Variants in ACSF3 observed in about 807,000 individuals in gnomAD.
ACSF3 encodes the protein acyl-CoA synthetase family member 3, also known as malonate--CoA ligase ACSF3, mitochondrial.
A neutral mutation model predicts 53.2 loss-of-function variants in ACSF3; 78 were observed. The observed-to-expected ratio is 1.47, with a 90% CI of 1.22 to 1.77. The LOEUF (loss-of-function observed/expected upper bound fraction) is 1.77, where lower values mean the gene tolerates loss of function less well. Ranked by LOEUF, ACSF3 falls within the 40% of genes most tolerant of loss-of-function variation. ACSF3 has a pLI of 0.00. For synonymous variants in ACSF3, 414 were observed against 333.1 expected (o/e 1.24, Z -2.65); for missense variants, 937 against 771.1 (o/e 1.22, Z -2.55).
chr16:89,150,901 G>A (rs943258062), intron 10 of ACSF3: 2 of 985,466 alleles, frequency 2.0e-6, no homozygotes, highest in Non-Finnish European at 2.7e-6. Flanking sequence ...AGGAAGGGAG[G>A]CAGGAGGAAG....
intron 8 of ACSF3, among the ~76,000 whole-genome samples, chr16:89,135,349 G>A (rs1910213984): frequency 1.3e-5 from 2 of 152,244 alleles, no homozygotes; most frequent in African/African-American, 4.8e-5. Context: ...GGGTCCCAGA[G>A]GCCCTGGAGC....
At chr16:89,122,628 C>T (rs1188162536) in intron 7 of ACSF3, 1 of 210,674 alleles carries the variant, frequency 4.7e-6, no homozygotes, top group African/African-American at 2.3e-5. Context: ...TCAGAAATGT[C>T]CCCAGCAGAG....
chr16:89,117,175 A>C (rs1180097312), intron 6 of ACSF3, among the ~76,000 whole-genome samples: 2 of 152,158 alleles, frequency 1.3e-5, no homozygotes, highest in African/African-American at 4.8e-5. Context: ...GTGTATTCAG[A>C]ATCTGTCTGC....
intron 8 of ACSF3, among the ~76,000 whole-genome samples, chr16:89,138,265 G>A (rs563380599): frequency 4.5e-4 from 69 of 152,322 alleles, no homozygotes; most frequent in African/African-American, 1.4e-3. Flanking sequence ...TCAGGTGGGG[G>A]CACCTGGGCT....
Position 89,145,349 on chromosome 16 carries a change from G to A in ACSF3, c.1449G>A (p.Lys483=), listed in dbSNP as rs2151562665. The change falls in exon 9 of 11, where the codon AAG becomes AAA. Residue 483 remains lysine (K), a synonymous_variant. Coordinates refer to ENST00000614302, the MANE Select transcript of ACSF3 (RefSeq NM_001243279.3). ...SVDIIKTGGY[K]VSALEVEWHL... ...ACATCATCAAGACTGGAGGCTACAA[G>A]GTCAGCGCCCTGGAGGTGGAGTGGC... 1 of 1,614,210 alleles carries A rather than the reference G, an allele frequency of 6.2e-7. No homozygotes were observed. The highest frequency in any genetic ancestry group is 8.5e-7 in the Non-Finnish European group (1 of 1,180,026).
At chr16:89,106,362 G>A (rs1384454655) in intron 4 of ACSF3, among the ~76,000 whole-genome samples, 1 of 151,128 alleles carries the variant, frequency 6.6e-6, no homozygotes, top group Non-Finnish European at 1.5e-5. Context: ...GCACGATCTC[G>A]GCTCACTGCA....
intron 7 of ACSF3, among the ~76,000 whole-genome samples, chr16:89,125,901 G>C (rs536872712): frequency 2.6e-5 from 4 of 152,136 alleles, no homozygotes; most frequent in African/African-American, 7.2e-5. Context: ...CGTTTACTTA[G>C]ATCCGTGAAC....
rs761564953 is a variant in ACSF3 at position 89,120,794 on chromosome 16, C to A, written c.1127-7C>A. 5.6e-6 allele frequency: 9 copies of A among 1,613,594 alleles called. No homozygotes were observed. Among genetic ancestry groups the A allele is most frequent in the Non-Finnish European group, 7.6e-6 (9 of 1,179,558 alleles). On this transcript the variant is annotated splice_polypyrimidine_tract_variant and splice_region_variant and intron_variant, in intron 6 of 10. Transcript: ENST00000614302. ...GCCTCCCCTTCAGTGTTTCTCCTCT[C>A]CTGTAGGTTCCGTGGGGACCCCACT...
At chr16:89,101,765 C>T (rs1377449634) in intron 3 of ACSF3, among the ~76,000 whole-genome samples, 1 of 152,248 alleles carries the variant, frequency 6.6e-6, no homozygotes, top group Non-Finnish European at 1.5e-5. Context: ...CAGAACTCTC[C>T]AACCACATCA....
chr16:89,097,742 C>G (rs1188819999), intron 1 of ACSF3, among the ~76,000 whole-genome samples: 1 of 147,928 alleles, frequency 6.8e-6, no homozygotes, highest in African/African-American at 2.5e-5. Flanking sequence ...TGTGGGCGGA[C>G]CAGCCACTGC....
chr16:89,097,553 A>G (rs1171295557), intron 1 of ACSF3, among the ~76,000 whole-genome samples: 2 of 152,214 alleles, frequency 1.3e-5, no homozygotes, highest in African/African-American at 4.8e-5. Flanking sequence ...GTGCCCTCAC[A>G]CCTGTAAAGC....
Position 89,100,680 on chromosome 16 carries a change from C to T in ACSF3, c.-2C>T, listed in dbSNP as rs1188824505. On this transcript the variant is annotated 5_prime_UTR_variant, in exon 3 of 11. Coordinates refer to ENST00000614302, the MANE Select transcript of ACSF3 (RefSeq NM_001243279.3). ...TCTCCAGCTCGGCCGCCTGTCAGTG[C>T]AATGCTGCCCCATGTGGTGCTCACC... The T allele has an allele frequency of 1.3e-6, 2 of 1,598,916 alleles. No individual in the cohort carries two copies. Among genetic ancestry groups the T allele is most frequent in the Non-Finnish European group, 8.5e-7 (1 of 1,179,210 alleles).
chr16:89,100,668 C>CCCAGGAGGCTCCCGGGAGT lies in ACSF3; in HGVS notation c.-14_-13insCCAGGAGGCTCCCGGGAGT, dbSNP rs67522353. ...GTGCCTTGCCTTTCTCCAGCTCGGC[C>CCCAGGAGGCTCCCGGGAGT]GCCTGTCAGTGCAATGCTGCCCCAT... On this transcript the variant is annotated 5_prime_UTR_variant, in exon 3 of 11. Transcript: ENST00000614302. 4.2e-5 allele frequency: 61 copies of CCCAGGAGGCTCCCGGGAGT among 1,458,092 alleles called. No homozygotes were observed. The highest frequency in any genetic ancestry group is 1.5e-5 in the Non-Finnish European group (17 of 1,113,670). 90.3% of individuals were successfully genotyped at this position (1,458,092 alleles called of 1,614,324 possible). A position where few individuals can be genotyped will look rare whatever the true frequency, so the allele number is the denominator to read the frequency against.
rs1400401687 is a variant in ACSF3, at chr16:89,147,180, G to GGGAGTGAGAGA, written c.1613+1135_1613+1136insTGAGAGAGGAG. 1.2e-3 allele frequency among the ~76,000 whole-genome samples: 128 copies of GGGAGTGAGAGA among 108,532 alleles called. 40 individuals are homozygous for GGGAGTGAGAGA. The highest frequency in any genetic ancestry group is 2.0e-3 in the Non-Finnish European group (99 of 49,728). The allele number at this position is 108,532 out of a possible 152,430, so 71.2% of individuals were successfully genotyped here. A position where few individuals can be genotyped will look rare whatever the true frequency, so the allele number is the denominator to read the frequency against. On this transcript the variant is annotated intron_variant, in intron 10 of 10. Coordinates refer to ENST00000614302, the MANE Select transcript of ACSF3 (RefSeq NM_001243279.3). ...TGAGGGAGGAGGGAGGGTCCACAGA[G>GGGAGTGAGAGA]GGAGGGAGGGTCCACAGAGTGAGTG...
intron 7 of ACSF3, 77 bp downstream of exon 7, chr16:89,120,990 C>G (rs1185560744): frequency 2.3e-6 from 3 of 1,328,190 alleles, no homozygotes; most frequent in Non-Finnish European, 3.2e-6. Flanking sequence ...ACTGGTGCAT[C>G]TTTCCCCTGG....
intron 6 of ACSF3, among the ~76,000 whole-genome samples, chr16:89,118,075 G>A (rs1365785947): frequency 2.7e-5 from 4 of 149,300 alleles, no homozygotes; most frequent in Admixed American, 6.6e-5. Context: ...TCCCTCGGGC[G>A]CCGGGGACGC....
intron 8 of ACSF3, among the ~76,000 whole-genome samples, chr16:89,140,389 C>T (rs952792422): frequency 6.6e-6 from 1 of 152,210 alleles, no homozygotes; most frequent in Non-Finnish European, 1.5e-5. Context: ...GGCACCTGTT[C>T]CAGGCTTGGA....
chr16:89,099,863 TGA>T (rs1157316159), intron 2 of ACSF3, among the ~76,000 whole-genome samples: 2 of 139,458 alleles, frequency 1.4e-5, no homozygotes, highest in Non-Finnish European at 3.1e-5. Context: ...GAAAAAAAGG[TGA>T]GAGAGAGGAG....
At chr16:89,142,664 G>C (rs1567741687) in intron 8 of ACSF3, among the ~76,000 whole-genome samples, 1 of 144,850 alleles carries the variant, frequency 6.9e-6, no homozygotes, top group Non-Finnish European at 1.5e-5. Flanking sequence ...TGCAGACAGA[G>C]CCACACCTGC....
Sources: gnomAD v4.1 joint callset for allele counts (sites outside exome capture counted in the v4.1 genomes callset) on GRCh38, gnomAD v4.1.1 for gene constraint, MANE v1.5 for transcripts, NCBI Gene and HGNC (gene_info 2026-07-23, HGNC 2026-07-21) for gene names.